Variants in CLOCK observed in about 807,000 individuals in gnomAD.
CLOCK encodes clock circadian regulator, also known as circadian locomoter output cycles protein kaput.
A neutral mutation model predicts 118.4 loss-of-function variants in CLOCK; 43 were observed. That is an observed-to-expected ratio of 0.36 (90% CI 0.28 to 0.47). CLOCK has a LOEUF of 0.47. Among genes scored for constraint, CLOCK ranks in the 20% least tolerant of loss-of-function variants. CLOCK has a pLI of 1.00. For missense variants in CLOCK, 846 were observed against 999.9 expected (o/e 0.85, Z 2.08); for synonymous variants, 326 against 339.2 (o/e 0.96, Z 0.43).
chr4:55,491,787 G>A (rs748111734), intron 2 of CLOCK, among the ~76,000 whole-genome samples: 1 of 151,050 alleles, frequency 6.6e-6, no homozygotes, highest in Non-Finnish European at 1.5e-5. Flanking sequence ...CAACAGCACA[G>A]ATGACTTTAC....
At chr4:55,475,924 G>C (rs368792480) in intron 7 of CLOCK, 39 bp downstream of exon 7, 390 of 1,434,412 alleles carry the variant, frequency 2.7e-4, no homozygotes, top group Non-Finnish European at 3.6e-4. Flanking sequence ...TTTCTTTTTT[G>C]AGGAAAATAA....
chr4:55,540,535 G>C (rs1369756946), intron 1 of CLOCK: 3 of 151,338 alleles, frequency 2.0e-5, no homozygotes, highest in Non-Finnish European at 1.5e-5. Flanking sequence ...ATTTTTTTTT[G>C]ATACCAAAAC....
chr4:55,493,877 A>T (rs1727881065), intron 2 of CLOCK, among the ~76,000 whole-genome samples: 1 of 152,206 alleles, frequency 6.6e-6, no homozygotes, highest in Non-Finnish European at 1.5e-5. Context: ...ACATCAACTG[A>T]CACTATAACT....
chr4:55,472,595 T>C (rs1726221323), intron 7 of CLOCK, among the ~76,000 whole-genome samples: 1 of 152,208 alleles, frequency 6.6e-6, no homozygotes, highest in African/African-American at 2.4e-5. Context: ...GTATATCTTA[T>C]TAATCCTTGT....
Position 55,431,062 on chromosome 4 carries a change from A to C in CLOCK, c.*4353T>G, listed in dbSNP as rs1018321476. On this transcript the variant is annotated 3_prime_UTR_variant, in exon 23 of 23. Coordinates refer to ENST00000513440, the MANE Select transcript of CLOCK (RefSeq NM_004898.4). ...ATTTGGGGATCCTTTAGAAATGGTT[A>C]ACGCCTAAGAATAAACTTTATCAAA... The C allele has an allele frequency of 6.6e-6, 1 of 152,224 alleles. No homozygotes were observed. The highest frequency in any genetic ancestry group is 2.4e-5 in the African/African-American group (1 of 41,458). 9.4% of individuals were successfully genotyped at this position (152,224 alleles called of 1,614,324 possible).
In CLOCK at chr4:55,533,423, G is replaced by A. The variant is rs75786503; in HGVS notation, c.-290+13359C>T. On this transcript the variant is annotated intron_variant, in intron 1 of 22. Transcript: ENST00000513440. ...GAAAACTGAATATCCACATGCCAAA[G>A]AATGAAGCCAAAATATGATATTACT... Among the ~76,000 whole-genome samples the A allele has an allele frequency of 2.0e-3, 305 of 152,264 alleles. 2 individuals are homozygous for A. Among genetic ancestry groups the A allele is most frequent in the African/African-American group, 7.1e-3 (295 of 41,556 alleles).
intron 2 of CLOCK, among the ~76,000 whole-genome samples, chr4:55,504,752 ACTG>A (rs1197658401): frequency 1.3e-5 from 2 of 152,250 alleles, no homozygotes; most frequent in Non-Finnish European, 2.9e-5. Flanking sequence ...CAGGAAAAAT[ACTG>A]CTAATATAAA....
At chr4:55,501,073 C>G (rs1313908023) in intron 2 of CLOCK, among the ~76,000 whole-genome samples, 2 of 152,116 alleles carry the variant, frequency 1.3e-5, no homozygotes, top group African/African-American at 4.8e-5. Context: ...AGGCTGATCT[C>G]AAACTACTGA....
chr4:55,509,450 C>G (rs1577825257), intron 2 of CLOCK, among the ~76,000 whole-genome samples: 3 of 152,136 alleles, frequency 2.0e-5, no homozygotes, highest in Admixed American at 1.3e-4. Flanking sequence ...CATACCAAAG[C>G]AGGCACCAGG....
intron 1 of CLOCK, among the ~76,000 whole-genome samples, chr4:55,543,438 G>T (rs1384014118): frequency 1.3e-5 from 2 of 152,128 alleles, no homozygotes; most frequent in Non-Finnish European, 2.9e-5. Flanking sequence ...AGGCTGAAAA[G>T]AACATATTTG....
chr4:55,507,229 C>T (rs1728866161), intron 2 of CLOCK, among the ~76,000 whole-genome samples: 3 of 152,084 alleles, frequency 2.0e-5, no homozygotes, highest in South Asian at 4.1e-4. Context: ...GTGCGACGAT[C>T]GCTTGAGCCT....
At chr4:55,455,192 C>T (rs972291975) in intron 13 of CLOCK, among the ~76,000 whole-genome samples, 1 of 152,082 alleles carries the variant, frequency 6.6e-6, no homozygotes, top group African/African-American at 2.4e-5. Context: ...GCAAATAAAA[C>T]ATATCATTAA....
At chr4:55,452,980 C>T in intron 15 of CLOCK, 74 bp downstream of exon 15, 3 of 1,019,114 alleles carry the variant, frequency 2.9e-6, no homozygotes, top group Non-Finnish European at 4.4e-6. Context: ...AAATAGTTTT[C>T]CTATTAATTA....
At position 55,450,239 on chromosome 4, in the gene CLOCK, A is replaced by G. The variant is rs1405057788; in HGVS notation, c.1207-7T>C. Reference sequence around the variant, plus strand: ...CTGACCCAGAATCTTGGCTCTATGGAGACAGAGTAAAATAAATGTTTTCTT... The same window carrying G: ...CTGACCCAGAATCTTGGCTCTATGGGGACAGAGTAAAATAAATGTTTTCTT... On this transcript the variant is annotated splice_region_variant and splice_polypyrimidine_tract_variant and intron_variant, in intron 15 of 22. Coordinates refer to ENST00000513440, the MANE Select transcript of CLOCK (RefSeq NM_004898.4). 6.2e-7 allele frequency: 1 copy of G among 1,613,898 alleles called. No homozygotes were observed. Among genetic ancestry groups the G allele is most frequent in the Non-Finnish European group, 8.5e-7 (1 of 1,179,856 alleles).
chr4:55,441,999 CACAT>C (rs1243118640), intron 21 of CLOCK, among the ~76,000 whole-genome samples: 42 of 152,142 alleles, frequency 2.8e-4, no homozygotes, highest in Non-Finnish European at 5.9e-5. Flanking sequence ...AGGAGGCCCT[CACAT>C]ACATTTTCTT....
Position 55,507,399 on chromosome 4 carries a change from G to A in CLOCK, c.-136+2513C>T, listed in dbSNP as rs142200783. 6.4e-3 allele frequency among the ~76,000 whole-genome samples: 974 copies of A among 152,048 alleles called. 16 individuals carry two copies. The highest frequency in any genetic ancestry group is 0.022 in the African/African-American group (906 of 41,484). On this transcript the variant is annotated intron_variant, in intron 2 of 22. Transcript: ENST00000513440. ...AGGCTGAGGTTGGGGGAACACCTGA[G>A]GTCAGGAGTTCAAGACCAGCCTGTC...
chr4:55,545,594 T>C (rs1268705034), intron 1 of CLOCK: 1 of 152,202 alleles, frequency 6.6e-6, no homozygotes, highest in Non-Finnish European at 1.5e-5. Flanking sequence ...GGCATTCTAA[T>C]AGCAGGAAAC....
At chr4:55,484,608 A>G (rs1727163679) in intron 3 of CLOCK, among the ~76,000 whole-genome samples, 1 of 152,198 alleles carries the variant, frequency 6.6e-6, no homozygotes, top group Admixed American at 6.5e-5. Flanking sequence ...GAGGAAGAAC[A>G]GTATAAAAGT....
chr4:55,537,296 C>A (rs370085234), intron 1 of CLOCK, among the ~76,000 whole-genome samples: 71 of 152,134 alleles, frequency 4.7e-4, no homozygotes, highest in African/African-American at 1.6e-3. Context: ...ATGGGCAACA[C>A]AGTGACATCC....
Sources: allele counts gnomAD v4.1 joint callset (sites outside exome capture counted in the v4.1 genomes callset), GRCh38; gene constraint gnomAD v4.1.1; transcripts MANE v1.5; gene names NCBI Gene and HGNC (gene_info 2026-07-23, HGNC 2026-07-21).